RPE65: variants seen among roughly 807,000 people sequenced by gnomAD.
RPE65 encodes retinoid isomerohydrolase.
In RPE65, 58 loss-of-function variants were observed where a neutral mutation model predicts 68.5. The ratio of observed to expected loss-of-function variants is 0.85; its 90% CI spans 0.69 to 1.05. The LOEUF (loss-of-function observed/expected upper bound fraction) is 1.05. Ranked by LOEUF, RPE65 falls within the 50% of genes least tolerant of loss-of-function variation. The probability of loss-of-function intolerance (pLI) is 0.00; values close to 1 mark genes in which losing one functional copy is unlikely to be tolerated. For synonymous variants in RPE65, 220 were observed against 222.2 expected (o/e 0.99, Z 0.09); for missense variants, 643 against 629.9 (o/e 1.02, Z -0.22).
intron 7 of RPE65, 76 bp from the exon 8 acceptor site, chr1:68,439,399 T>C: frequency 6.3e-7 from 1 of 1,593,444 alleles, no homozygotes; most frequent in East Asian, 2.2e-5. Context: ...ATATATGTGG[T>C]ATGCTCAGTT....
intron 10 of RPE65, among the ~76,000 whole-genome samples, chr1:68,437,115 T>C (rs1245561183): frequency 2.6e-5 from 4 of 152,318 alleles, no homozygotes; most frequent in African/African-American, 9.6e-5. Flanking sequence ...AATCATGTCC[T>C]AAAATACACT....
At position 68,429,115 on chromosome 1, in the gene RPE65, A is replaced by G. The variant is rs902246633; in HGVS notation, c.*661T>C. 2 of 152,276 alleles carry G rather than the reference A, an allele frequency of 1.3e-5. No individual in the cohort carries two copies. Among genetic ancestry groups the G allele is most frequent in the Non-Finnish European group, 2.9e-5 (2 of 68,116 alleles). The allele number at this position is 152,276 out of a possible 1,614,324, so 9.4% of individuals were successfully genotyped here. ...ATGTTACATAAGCTTTTAATATATA[A>G]CTTAATCTCTGAGATGTTATTTGGT... is the stretch of plus-strand genomic sequence containing the variant. On this transcript the variant is annotated 3_prime_UTR_variant, in exon 14 of 14. Transcript: ENST00000262340.
chr1:68,449,437 A>G (rs1172569965), intron 1 of RPE65, among the ~76,000 whole-genome samples: 1 of 152,180 alleles, frequency 6.6e-6, no homozygotes, highest in Non-Finnish European at 1.5e-5. Context: ...CAATTATAAT[A>G]ATTACCTTTT....
In RPE65 at chr1:68,438,270, T is replaced by C; in HGVS notation, c.1045A>G (p.Asn349Asp). Residue 349 changes from asparagine to aspartate, a missense_variant, in exon 10 of 14, where the codon AAC (asparagine) becomes GAC (aspartate). Asn to Asp is a conservative substitution (Grantham distance 23). Transcript: ENST00000262340. ...GCATTTTTTTTCACCTCTTCCCAGTTCTCACGTAAATTGGCTAAATATAAG... is the reference window on the plus strand; with the variant it reads ...GCATTTTTTTTCACCTCTTCCCAGTCCTCACGTAAATTGGCTAAATATAAG... ...NYLYLANLRE[N>D]WEEVKKNARK... 3 of 1,613,812 alleles carry C rather than the reference T, an allele frequency of 1.9e-6. No homozygotes were observed. The South Asian group carries it at 3.3e-5, about 18-fold the overall frequency.
intron 11 of RPE65, 22 bp downstream of exon 11, chr1:68,431,449 A>G (rs1355043568): frequency 6.2e-7 from 1 of 1,612,964 alleles, no homozygotes. Context: ...TCCCGTGTGA[A>G]GTTTTCTCTA....
intron 6 of RPE65, 81 bp from the exon 7 acceptor site, chr1:68,439,723 A>T (rs1645887132): frequency 9.6e-7 from 1 of 1,045,904 alleles, no homozygotes; most frequent in Non-Finnish European, 1.5e-6. Context: ...CAGCTTATAC[A>T]GGCAAAGAAA....
chr1:68,431,571 C>G lies in RPE65; in HGVS notation c.1143G>C (p.Lys381Asn), dbSNP rs1242530157. ...PLNIDKADTGKNLVTLPNTTA... is the reference protein window; with the variant it reads ...PLNIDKADTGNNLVTLPNTTA... ...TTGTATTGGGGAGCGTGACTAAATTCTTGCCTGTGTCAGCCTAGGAGAGAA... is the reference window on the plus strand; with the variant it reads ...TTGTATTGGGGAGCGTGACTAAATTGTTGCCTGTGTCAGCCTAGGAGAGAA... Residue 381 changes from lysine to asparagine, a missense_variant, in exon 11 of 14, where the codon AAG (lysine) becomes AAC (asparagine). Transcript: ENST00000262340. 4 of 1,613,760 alleles carry G rather than the reference C, an allele frequency of 2.5e-6. No individual in the cohort carries two copies. Among genetic ancestry groups the G allele is most frequent in the Non-Finnish European group, 3.4e-6 (4 of 1,179,788 alleles).
chr1:68,437,543 T>C (rs559678386), intron 10 of RPE65, among the ~76,000 whole-genome samples: 2 of 152,280 alleles, frequency 1.3e-5, no homozygotes, highest in South Asian at 2.1e-4. Context: ...AGGGAGCAAA[T>C]AGATATAAAA....
chr1:68,446,166 G>A (rs982301359), intron 3 of RPE65, among the ~76,000 whole-genome samples: 1 of 151,924 alleles, frequency 6.6e-6, no homozygotes, highest in African/African-American at 2.4e-5. Flanking sequence ...TCTCTTTCTG[G>A]TAGCACTATG....
intron 2 of RPE65, 62 bp from the exon 3 acceptor site, chr1:68,446,922 G>T: frequency 1.2e-6 from 2 of 1,608,738 alleles, no homozygotes; most frequent in African/African-American, 1.3e-5. Flanking sequence ...GCTTGTCCTT[G>T]GTAAGGCAGA....
chr1:68,431,686 C>T, intron 10 of RPE65, 101 bp from the exon 11 acceptor site: 1 of 975,850 alleles, frequency 1.0e-6, no homozygotes, highest in Non-Finnish European at 1.6e-6. Context: ...TTTTTTAGGT[C>T]AACATGCAGG....
chr1:68,446,653 A>T (rs1645944879), intron 3 of RPE65, 57 bp downstream of exon 3: 1 of 1,611,002 alleles, frequency 6.2e-7, no homozygotes, highest in South Asian at 1.1e-5. Flanking sequence ...ACATGGGAGG[A>T]GGAGCCAAGC....
chr1:68,431,810 G>C (rs1489893445), intron 10 of RPE65, among the ~76,000 whole-genome samples: 2 of 151,686 alleles, frequency 1.3e-5, no homozygotes, highest in Non-Finnish European at 2.9e-5. Flanking sequence ...AACCTCTTAG[G>C]CCATCAATTT....
chr1:68,441,436 T>C (rs1645901402), intron 5 of RPE65, among the ~76,000 whole-genome samples: 8 of 152,086 alleles, frequency 5.3e-5, no homozygotes, highest in Admixed American at 5.2e-4. Context: ...ACTATATGTC[T>C]TGCACATGGT....
chr1:68,435,982 T>C (rs1645860132), intron 10 of RPE65, among the ~76,000 whole-genome samples: 1 of 152,228 alleles, frequency 6.6e-6, no homozygotes, highest in Non-Finnish European at 1.5e-5. Context: ...GAGACGGATT[T>C]GATGATGTTA....
chr1:68,439,620 C>T lies in RPE65; in HGVS notation c.666G>A (p.Lys222=). The change falls in exon 7 of 14, where the codon AAG becomes AAA. Residue 222 remains lysine, a synonymous_variant. Coordinates refer to ENST00000262340, the MANE Select transcript of RPE65 (RefSeq NM_000329.3). The part of the protein sequence containing the change: ...LQADKEDPIS[K]SEIVVQFPCS... ...AGGGGAATTGTACAACGATCTCTGACTTGCTTATTGGATCTTCCTTGTCTG... is the reference window on the plus strand; with the variant it reads ...AGGGGAATTGTACAACGATCTCTGATTTGCTTATTGGATCTTCCTTGTCTG... The T allele has an allele frequency of 6.2e-7, 1 of 1,613,816 alleles. No homozygotes were observed. Among genetic ancestry groups the T allele is most frequent in the East Asian group, 2.2e-5 (1 of 44,872 alleles).
intron 1 of RPE65, among the ~76,000 whole-genome samples, 191 bp downstream of exon 1, chr1:68,449,704 C>G (rs563243570): frequency 2.6e-4 from 40 of 152,214 alleles, no homozygotes; most frequent in African/African-American, 8.9e-4. Context: ...TCACACAAAC[C>G]CCCCATAATT....
chr1:68,434,855 C>T (rs1645849929), intron 10 of RPE65, among the ~76,000 whole-genome samples: 1 of 152,122 alleles, frequency 6.6e-6, no homozygotes, highest in African/African-American at 2.4e-5. Context: ...CTTTGAACTC[C>T]TGGACTCAAG....
chr1:68,439,358 G>C, intron 7 of RPE65, 35 bp from the exon 8 acceptor site: 1 of 1,611,302 alleles, frequency 6.2e-7, no homozygotes, highest in Non-Finnish European at 8.5e-7. Flanking sequence ...GTGAATGAAA[G>C]GGCTGATTCT....
Sources: allele counts gnomAD v4.1 joint callset (sites outside exome capture counted in the v4.1 genomes callset), GRCh38; gene constraint gnomAD v4.1.1; transcripts MANE v1.5; gene names NCBI Gene and HGNC (gene_info 2026-07-23, HGNC 2026-07-21).